Variants in RLIG1 observed in about 807,000 individuals in gnomAD.
RLIG1 encodes the protein RNA ligase 1.
At chr12:88,049,316 C>A in the RLIG1 span, 3 of 1,584,564 alleles carry the variant, frequency 1.9e-6, no homozygotes, top group Non-Finnish European at 2.6e-6. Context: ...GAATATTCTT[C>A]TTCACTTCTT....
At chr12:88,035,990 C>T in the RLIG1 span, 4 of 1,511,518 alleles carry the variant, frequency 2.6e-6, no homozygotes, top group African/African-American at 1.4e-5. Context: ...TCAAACTTGT[C>T]CTCGCAAGGA....
At chr12:88,045,644 G>A in the RLIG1 span, 33 of 1,612,892 alleles carry the variant, frequency 2.0e-5, no homozygotes, top group African/African-American at 4.0e-5. Context: ...AGTTAATTAT[G>A]AATTTGAAAT....
At chr12:88,037,845 G>C in the RLIG1 span, among the ~76,000 whole-genome samples, 3 of 152,120 alleles carry the variant, frequency 2.0e-5, no homozygotes, top group Non-Finnish European at 4.4e-5. Context: ...AGTGGCATAA[G>C]TCTTTTTCAG....
chr12:88,048,566 C>A, the RLIG1 span: 1 of 549,230 alleles, frequency 1.8e-6, no homozygotes, highest in Non-Finnish European at 2.8e-6. Flanking sequence ...GTTTCAAGTA[C>A]CTATTCAAAA....
the RLIG1 span, among the ~76,000 whole-genome samples, chr12:88,041,493 A>G: frequency 1.1e-4 from 17 of 152,164 alleles, no homozygotes; most frequent in Non-Finnish European, 2.2e-4. Flanking sequence ...AGGAGCCACT[A>G]TACTGTTTTG....
the RLIG1 span, chr12:88,043,955 C>G: frequency 3.3e-5 from 16 of 489,688 alleles, no homozygotes; most frequent in Middle Eastern, 5.6e-4. Context: ...TAGCTGTAGT[C>G]TGTGACAATA....
chr12:88,048,621 A>G, the RLIG1 span: 1 of 383,350 alleles, frequency 2.6e-6, no homozygotes, highest in Non-Finnish European at 4.5e-6. Flanking sequence ...TAGCCATAAA[A>G]ACATAAGTAA....
chr12:88,039,728 C>T, the RLIG1 span, among the ~76,000 whole-genome samples: 1 of 152,202 alleles, frequency 6.6e-6, no homozygotes, highest in South Asian at 2.1e-4. Flanking sequence ...ATGCATTGTG[C>T]TTCTTTTGTC....
chr12:88,038,874 A>T, the RLIG1 span, among the ~76,000 whole-genome samples: 2 of 152,208 alleles, frequency 1.3e-5, no homozygotes, highest in South Asian at 2.1e-4. Context: ...AAGGATGAAG[A>T]TCATTAGTTT....
chr12:88,048,407 A>G, the RLIG1 span: 3 of 1,422,792 alleles, frequency 2.1e-6, no homozygotes, highest in Non-Finnish European at 2.9e-6. Context: ...TCAAAGATAT[A>G]ATATTTGATG....
At chr12:88,039,382 T>C in the RLIG1 span, among the ~76,000 whole-genome samples, 13 of 152,058 alleles carry the variant, frequency 8.5e-5, no homozygotes, top group African/African-American at 2.9e-4. Context: ...TACTGAAGAG[T>C]AGATTGACTC....
chr12:88,048,105 TAA>T, the RLIG1 span: 18 of 442,578 alleles, frequency 4.1e-5, no homozygotes, highest in Non-Finnish European at 6.1e-5. Context: ...AGACCAGCTA[TAA>T]AAAAAAAAAC....
the RLIG1 span, chr12:88,049,513 C>T: frequency 5.9e-6 from 4 of 682,490 alleles, no homozygotes; most frequent in East Asian, 1.1e-4. Context: ...CCAAAGTATT[C>T]CTGAATGGTC....
At chr12:88,048,326 T>C in the RLIG1 span, 41 of 1,606,890 alleles carry the variant, frequency 2.6e-5, no homozygotes, top group Non-Finnish European at 3.4e-6. Flanking sequence ...TGAACAAATG[T>C]GACTCTGCCT....
chr12:88,037,726 C>T, the RLIG1 span, among the ~76,000 whole-genome samples: 1 of 152,112 alleles, frequency 6.6e-6, no homozygotes, highest in Non-Finnish European at 1.5e-5. Context: ...TCTTAGTTTA[C>T]CTGTTTGCAA....
At chr12:88,043,209 C>A in the RLIG1 span, among the ~76,000 whole-genome samples, 1 of 151,786 alleles carries the variant, frequency 6.6e-6, no homozygotes, top group Non-Finnish European at 1.5e-5. Flanking sequence ...AAATCAAGTA[C>A]AAATCTCAGG....
the RLIG1 span, chr12:88,043,640 G>A: frequency 6.2e-7 from 1 of 1,612,656 alleles, no homozygotes; most frequent in South Asian, 1.1e-5. Context: ...ACCAGCTCCG[G>A]AGTGCTGGAT....
the RLIG1 span, among the ~76,000 whole-genome samples, chr12:88,039,385 A>T: frequency 1.3e-5 from 2 of 152,160 alleles, no homozygotes; most frequent in Admixed American, 6.5e-5. Context: ...TGAAGAGTAG[A>T]TTGACTCTTG....
chr12:88,046,416 C>T, the RLIG1 span, among the ~76,000 whole-genome samples: 2 of 152,160 alleles, frequency 1.3e-5, no homozygotes, highest in Non-Finnish European at 2.9e-5. Context: ...CAGTGCCACA[C>T]TGGTACCAAA....
Sources: gnomAD v4.1 joint callset for allele counts (sites outside exome capture counted in the v4.1 genomes callset) on GRCh38, gnomAD v4.1.1 for gene constraint, MANE v1.5 for transcripts, NCBI Gene and HGNC (gene_info 2026-07-23, HGNC 2026-07-21) for gene names.